Variants in ZNF609 observed in about 807,000 individuals in gnomAD.
The protein encoded by ZNF609 is zinc finger protein 609.
In ZNF609, 11 loss-of-function variants were observed where a neutral mutation model predicts 109.5. The ratio of observed to expected loss-of-function variants is 0.10; its 90% CI spans 0.06 to 0.17. The LOEUF (loss-of-function observed/expected upper bound fraction) is 0.17, where lower values mean the gene tolerates loss of function less well. Among genes scored for constraint, ZNF609 ranks in the 10% least tolerant of loss-of-function variants. ZNF609 has a pLI of 1.00. For missense variants in ZNF609, 1,559 were observed against 1,772.4 expected (o/e 0.88, Z 2.16); for synonymous variants, 646 against 662.0 (o/e 0.98, Z 0.37).
At chr15:64,580,553 TTTC>T (rs1160339690) in intron 2 of ZNF609, among the ~76,000 whole-genome samples, 3 of 53,250 alleles carry the variant, frequency 5.6e-5, no homozygotes, top group Non-Finnish European at 1.3e-4. Flanking sequence ...TTTCTTTTCT[TTTC>T]TTTTTTTTTT....
intron 3 of ZNF609, among the ~76,000 whole-genome samples, chr15:64,669,056 C>T (rs1896690211): frequency 7.2e-6 from 1 of 138,072 alleles, no homozygotes; most frequent in Non-Finnish European, 1.6e-5. Context: ...AAAATGAGAA[C>T]ATCATGTTGC....
chr15:64,516,113 C>A (rs909466546), intron 2 of ZNF609, among the ~76,000 whole-genome samples: 2 of 152,000 alleles, frequency 1.3e-5, no homozygotes, highest in Non-Finnish European at 2.9e-5. Flanking sequence ...AAATAAAACC[C>A]CAATGACTTT....
chr15:64,502,101 G>A (rs1419317310), intron 2 of ZNF609: 1 of 152,168 alleles, frequency 6.6e-6, no homozygotes, highest in African/African-American at 2.4e-5. Flanking sequence ...GAAAGAAAAG[G>A]GAAAGAGACT....
intron 2 of ZNF609, among the ~76,000 whole-genome samples, chr15:64,601,244 G>A (rs193180083): frequency 6.6e-6 from 1 of 152,326 alleles, no homozygotes; most frequent in East Asian, 1.9e-4. Context: ...GGCTGAGGAA[G>A]GAGACAAATA....
intron 3 of ZNF609, among the ~76,000 whole-genome samples, chr15:64,629,345 T>C (rs916717363): frequency 2.0e-5 from 3 of 152,142 alleles, no homozygotes; most frequent in Non-Finnish European, 4.4e-5. Context: ...TGAGGAAACA[T>C]TGAGTTAGGA....
rs149566314 is a variant in ZNF609, at chr15:64,575,668, G to A, written c.748-47159G>A. Among the ~76,000 whole-genome samples the A allele has an allele frequency of 8.8e-3, 1,341 of 152,190 alleles. 23 individuals carry two copies. Among genetic ancestry groups the A allele is most frequent in the African/African-American group, 0.031 (1,281 of 41,512 alleles). The stretch of plus-strand genomic sequence containing the variant: ...ATATAAATTAATGGGATCCCAGGTA[G>A]TATTTGTATATTTACAAAAAGGTTA... On this transcript the variant is annotated intron_variant, in intron 2 of 9. Coordinates refer to ENST00000326648, the MANE Select transcript of ZNF609 (RefSeq NM_015042.2).
intron 2 of ZNF609, among the ~76,000 whole-genome samples, chr15:64,510,506 C>T (rs1185568554): frequency 6.6e-6 from 1 of 151,978 alleles, no homozygotes; most frequent in Non-Finnish European, 1.5e-5. Context: ...ATGCTCACAA[C>T]CTGTGTCTTA....
In ZNF609 at chr15:64,674,829, A is replaced by T. The variant is rs1301303532; in HGVS notation, c.1975A>T (p.Ile659Phe). ...CAAGAGCCTAAAGTCAGCCCGTCCC[A>T]TTGCCCCTGCCATCCCCCCACAGCA... ...PSKSLKSARP[I>F]APAIPPQQIY... Residue 659 changes from isoleucine to phenylalanine, a missense_variant, in exon 5 of 10, where the codon ATT (isoleucine) becomes TTT (phenylalanine). Around this residue, in one of 4 missense-constraint regions of ZNF609, gnomAD observed 1,204 missense variants for 1,314.1 expected, o/e 0.92. Transcript: ENST00000326648. 1 of 1,613,210 alleles carries T rather than the reference A, an allele frequency of 6.2e-7. No homozygotes were observed. The highest frequency in any genetic ancestry group is 1.3e-5 in the African/African-American group (1 of 74,578).
intron 1 of ZNF609, among the ~76,000 whole-genome samples, chr15:64,478,420 T>A (rs1463257117): frequency 6.6e-6 from 1 of 151,972 alleles, no homozygotes; most frequent in Non-Finnish European, 1.5e-5. Flanking sequence ...GCCCAGGCTG[T>A]GGTGCATTGT....
intron 2 of ZNF609, among the ~76,000 whole-genome samples, chr15:64,612,891 T>C (rs937593587): frequency 6.6e-6 from 1 of 152,092 alleles, no homozygotes; most frequent in Non-Finnish European, 1.5e-5. Context: ...GGCATGCGTC[T>C]GTAATCCCAG....
chr15:64,585,755 C>T (rs965033741), intron 2 of ZNF609, among the ~76,000 whole-genome samples: 2 of 152,150 alleles, frequency 1.3e-5, no homozygotes, highest in Non-Finnish European at 2.9e-5. Flanking sequence ...CAGCATTCTG[C>T]GTAATAAAAT....
chr15:64,506,250 G>A (rs1198034508), intron 2 of ZNF609, among the ~76,000 whole-genome samples: 2 of 151,164 alleles, frequency 1.3e-5, no homozygotes, highest in African/African-American at 4.8e-5. Flanking sequence ...AACCTCCAGA[G>A]TAGCTGGGAT....
At chr15:64,541,479 A>G (rs1369769117) in intron 2 of ZNF609, among the ~76,000 whole-genome samples, 1 of 151,412 alleles carries the variant, frequency 6.6e-6, no homozygotes, top group East Asian at 1.9e-4. Context: ...AATAATTGGC[A>G]GAGTGGTACA....
At chr15:64,617,082 ACAGG>A (rs1218549644) in intron 2 of ZNF609, among the ~76,000 whole-genome samples, 1 of 152,078 alleles carries the variant, frequency 6.6e-6, no homozygotes, top group African/African-American at 2.4e-5. Context: ...TGCTGGGATT[ACAGG>A]CGTGAGCCAC....
At position 64,675,958 on chromosome 15, in the gene ZNF609, C is replaced by G; in HGVS notation, c.3104C>G (p.Ala1035Gly). 1 of 1,614,138 alleles carries G rather than the reference C, an allele frequency of 6.2e-7. No homozygotes were observed. The highest frequency in any genetic ancestry group is 8.5e-7 in the Non-Finnish European group (1 of 1,180,020). The change falls in exon 5 of 10, where the codon GCA becomes GGA. Residue 1035 changes from alanine (A) to glycine (G), a missense_variant. By Grantham distance (60) the Ala-to-Gly change is moderately conservative. Around this residue, in one of 4 missense-constraint regions of ZNF609, gnomAD observed 1,204 missense variants for 1,314.1 expected, o/e 0.92. Coordinates refer to ENST00000326648, the MANE Select transcript of ZNF609 (RefSeq NM_015042.2). Reference protein sequence around the residue: ...AEMGLKEREAALKEEWKQKPS... With the variant: ...AEMGLKEREAGLKEEWKQKPS... Reference sequence around the variant, plus strand: ...ATGGGCCTGAAGGAGCGGGAGGCAGCACTCAAGGAAGAGTGGAAGCAAAAG... The same window carrying G: ...ATGGGCCTGAAGGAGCGGGAGGCAGGACTCAAGGAAGAGTGGAAGCAAAAG...
At chr15:64,519,392 C>T (rs1030681811) in intron 2 of ZNF609, among the ~76,000 whole-genome samples, 6 of 152,048 alleles carry the variant, frequency 3.9e-5, no homozygotes, top group Non-Finnish European at 5.9e-5. Context: ...GAAAGGGGCT[C>T]AGTATGGGTC....
At chr15:64,609,499 G>A (rs1036130249) in intron 2 of ZNF609, among the ~76,000 whole-genome samples, 1 of 145,772 alleles carries the variant, frequency 6.9e-6, no homozygotes, top group South Asian at 2.1e-4. Flanking sequence ...TTATAGAGAC[G>A]GGGTTTCATC....
At chr15:64,660,317 G>C (rs1896555164) in intron 3 of ZNF609, among the ~76,000 whole-genome samples, 1 of 152,134 alleles carries the variant, frequency 6.6e-6, no homozygotes, top group Admixed American at 6.5e-5. Context: ...GCCAGAGCCT[G>C]AACATAAATA....
chr15:64,677,423 A>G (rs1567046102), intron 5 of ZNF609, among the ~76,000 whole-genome samples: 1 of 152,156 alleles, frequency 6.6e-6, no homozygotes, highest in Non-Finnish European at 1.5e-5. Context: ...AGTTAGCTTA[A>G]TTTGTCTGGG....
Sources: allele counts gnomAD v4.1 joint callset (sites outside exome capture counted in the v4.1 genomes callset), GRCh38; gene constraint gnomAD v4.1.1; regional missense constraint gnomAD v4.1.1; transcripts MANE v1.5; gene names NCBI Gene and HGNC (gene_info 2026-07-23, HGNC 2026-07-21).